TIMD4: variants seen among roughly 807,000 people sequenced by gnomAD.
The protein encoded by TIMD4 is T cell immunoglobulin and mucin domain containing 4.
In TIMD4, 31 loss-of-function variants were observed where a neutral mutation model predicts 41.2. The observed-to-expected ratio is 0.75, with a 90% confidence interval of 0.57 to 1.01. The LOEUF is 1.01. Ranked by LOEUF, TIMD4 falls within the 50% of genes least tolerant of loss-of-function variation. The probability of loss-of-function intolerance (pLI) is 0.00; values close to 1 mark genes in which losing one functional copy is unlikely to be tolerated. For missense variants in TIMD4, 479 were observed against 472.5 expected, an observed-to-expected ratio of 1.01 and a Z score of -0.13; for synonymous variants, 204 against 177.1, an observed-to-expected ratio of 1.15 and a Z score of -1.21.
rs181351833 is a variant in TIMD4, at chr5:156,934,792, G to A, written c.845-8480C>T. ...ATCCTACTTGAAAACACAAATTCTC[G>A]AATGAGTGAGCTTCGAGCCAGAAAT... On this transcript the variant is annotated intron_variant, in intron 5 of 8. Coordinates refer to ENST00000274532, the MANE Select transcript of TIMD4 (RefSeq NM_138379.3). Among the ~76,000 whole-genome samples, 284 of 152,062 alleles carry A rather than the reference G, an allele frequency of 1.9e-3. 1 individual carries two copies. Among genetic ancestry groups the A allele is most frequent in the African/African-American group, 5.5e-3 (229 of 41,490 alleles).
At chr5:156,948,359 AAT>A in intron 5 of TIMD4, 55 bp downstream of exon 5, 6 of 1,037,144 alleles carry the variant, frequency 5.8e-6, no homozygotes, top group South Asian at 3.8e-5. Context: ...GTCTAAAAAA[AAT>A]AATAATAATA....
intron 5 of TIMD4, among the ~76,000 whole-genome samples, chr5:156,934,425 T>G (rs1430564803): frequency 6.6e-6 from 1 of 151,880 alleles, no homozygotes; most frequent in Non-Finnish European, 1.5e-5. Context: ...CTAGCTAGTG[T>G]GTGTGGTTTT....
chr5:156,926,199 T>C, intron 6 of TIMD4, 64 bp downstream of exon 6: 1 of 1,562,702 alleles, frequency 6.4e-7, no homozygotes, highest in Non-Finnish European at 8.8e-7. Context: ...CCACCGTGCC[T>C]GGCCACTACT....
At chr5:156,933,921 C>A (rs181579953) in intron 5 of TIMD4, among the ~76,000 whole-genome samples, 1 of 152,218 alleles carries the variant, frequency 6.6e-6, no homozygotes, top group East Asian at 1.9e-4. Context: ...GCAAAAACAA[C>A]CCCCATGGTA....
At chr5:156,941,917 C>T (rs1167138720) in intron 5 of TIMD4, among the ~76,000 whole-genome samples, 1 of 152,178 alleles carries the variant, frequency 6.6e-6, no homozygotes, top group Admixed American at 6.5e-5. Flanking sequence ...CATGGAAAGG[C>T]CAGCTTGTTT....
intron 5 of TIMD4, among the ~76,000 whole-genome samples, chr5:156,942,580 C>A (rs1014520547): frequency 1.3e-5 from 2 of 152,186 alleles, no homozygotes; most frequent in Non-Finnish European, 2.9e-5. Flanking sequence ...CATCTCTGAG[C>A]CCTATATCTG....
intron 5 of TIMD4, among the ~76,000 whole-genome samples, chr5:156,945,188 A>C (rs1261422844): frequency 6.6e-6 from 1 of 152,296 alleles, no homozygotes; most frequent in Non-Finnish European, 1.5e-5. Context: ...GAGGAAGCAG[A>C]GTGGCACGGT....
At chr5:156,949,449 C>G (rs937002242) in intron 4 of TIMD4, among the ~76,000 whole-genome samples, 1 of 149,008 alleles carries the variant, frequency 6.7e-6, no homozygotes, top group Admixed American at 6.7e-5. Flanking sequence ...TCCTCCTCCT[C>G]CTCCTTCTCT....
chr5:156,958,135 G>A (rs111352903), intron 1 of TIMD4, among the ~76,000 whole-genome samples: 2 of 152,124 alleles, frequency 1.3e-5, no homozygotes, highest in African/African-American at 4.8e-5. Context: ...AGCTGGGCGT[G>A]GTTGTGGGCG....
At chr5:156,930,209 G>A (rs1405610594) in intron 5 of TIMD4, among the ~76,000 whole-genome samples, 3 of 152,096 alleles carry the variant, frequency 2.0e-5, no homozygotes, top group African/African-American at 4.8e-5. Context: ...TGATACGCAC[G>A]CCTCAGCCTC....
intron 5 of TIMD4, among the ~76,000 whole-genome samples, chr5:156,936,932 GAAAAA>G (rs979433463): frequency 1.1e-5 from 1 of 92,610 alleles, no homozygotes; most frequent in Admixed American, 1.3e-4. Context: ...ACTCCGTCTG[GAAAAA>G]AAAAAAAAAA....
intron 1 of TIMD4, among the ~76,000 whole-genome samples, chr5:156,956,989 T>C (rs1454385895): frequency 6.6e-6 from 1 of 151,662 alleles, no homozygotes; most frequent in Non-Finnish European, 1.5e-5. Flanking sequence ...GAGTCACCCA[T>C]ATGGTAAGCA....
intron 1 of TIMD4, among the ~76,000 whole-genome samples, chr5:156,960,400 TC>T (rs1264364869): frequency 1.4e-5 from 2 of 147,652 alleles, no homozygotes; most frequent in Non-Finnish European, 1.5e-5. Flanking sequence ...GTTTTTTTCT[TC>T]CCCCTTTTTT....
At chr5:156,938,780 A>G (rs907245346) in intron 5 of TIMD4, among the ~76,000 whole-genome samples, 8 of 152,172 alleles carry the variant, frequency 5.3e-5, no homozygotes, top group Non-Finnish European at 1.2e-4. Context: ...GAGTCCGCCC[A>G]CAGAGCTCAT....
intron 5 of TIMD4, among the ~76,000 whole-genome samples, chr5:156,928,688 G>A (rs974796958): frequency 6.6e-6 from 1 of 152,188 alleles, no homozygotes; most frequent in African/African-American, 2.4e-5. Context: ...GTATCAGAGA[G>A]CTGATTTGTT....
intron 1 of TIMD4, 38 bp from the exon 2 acceptor site, chr5:156,954,794 T>G (rs1200617805): frequency 6.6e-7 from 1 of 1,523,036 alleles, no homozygotes; most frequent in East Asian, 2.3e-5. Context: ...CATGCAGTAC[T>G]GAAATCTCTC....
At chr5:156,945,648 T>C (rs141600113) in intron 5 of TIMD4, among the ~76,000 whole-genome samples, 543 of 152,336 alleles carry the variant, frequency 3.6e-3, no homozygotes, top group African/African-American at 0.012. Context: ...TTTCTATCTG[T>C]TTTCATGTAC....
chr5:156,923,447 C>A (rs371534311), intron 6 of TIMD4, among the ~76,000 whole-genome samples: 2 of 141,790 alleles, frequency 1.4e-5, no homozygotes, highest in African/African-American at 2.5e-5. Context: ...CTGCACCCGG[C>A]CTAAAAAAAT....
At chr5:156,933,479 A>C (rs1030294436) in intron 5 of TIMD4, among the ~76,000 whole-genome samples, 1 of 142,394 alleles carries the variant, frequency 7.0e-6, no homozygotes, top group Admixed American at 6.9e-5. Flanking sequence ...AAAAAGCTGA[A>C]AAGTGAAAGG....
Sources: allele counts gnomAD v4.1 joint callset (sites outside exome capture counted in the v4.1 genomes callset), GRCh38; gene constraint gnomAD v4.1.1; transcripts MANE v1.5; gene names NCBI Gene and HGNC (gene_info 2026-07-23, HGNC 2026-07-21).